ACBD6: variants seen among roughly 807,000 people sequenced by gnomAD.
ACBD6 encodes acyl-CoA binding domain containing 6, also known as acyl-CoA-binding domain-containing protein 6.
In ACBD6, 28 loss-of-function variants were observed where a neutral mutation model predicts 37.2. That is an observed-to-expected ratio of 0.75 (90% CI 0.56 to 1.03). The LOEUF (loss-of-function observed/expected upper bound fraction) is 1.03, where lower values mean the gene tolerates loss of function less well. ACBD6 is among the 50% of genes least tolerant of loss of function. ACBD6 has a pLI of 0.00. For synonymous variants in ACBD6, 113 were observed against 126.8 expected (o/e 0.89, Z 0.73); for missense variants, 340 against 337.4 (o/e 1.01, Z -0.06).
At chr1:180,315,739 T>G (rs546634987) in intron 6 of ACBD6, among the ~76,000 whole-genome samples, 1 of 152,232 alleles carries the variant, frequency 6.6e-6, no homozygotes, top group African/African-American at 2.4e-5. Context: ...TTCAGATAGG[T>G]AGTAAGAAAA....
chr1:180,378,755 C>T (rs991181551), intron 6 of ACBD6, among the ~76,000 whole-genome samples: 6 of 152,166 alleles, frequency 3.9e-5, no homozygotes, highest in Admixed American at 2.0e-4. Context: ...CCCACCCAGC[C>T]CACCACTGCC....
chr1:180,468,923 T>C (rs528960656), intron 3 of ACBD6, among the ~76,000 whole-genome samples: 2 of 152,330 alleles, frequency 1.3e-5, no homozygotes, highest in South Asian at 4.1e-4. Context: ...CAGTTTTCCA[T>C]ATGTCCTCAA....
intron 7 of ACBD6, 24 bp downstream of exon 7, chr1:180,314,668 C>T: frequency 2.7e-6 from 4 of 1,502,838 alleles, no homozygotes; most frequent in Non-Finnish European, 3.7e-6. Flanking sequence ...AATATGATTA[C>T]TTAATAATTT....
intron 3 of ACBD6, among the ~76,000 whole-genome samples, chr1:180,484,745 CAT>C (rs1453189551): frequency 3.3e-5 from 5 of 152,136 alleles, no homozygotes; most frequent in Admixed American, 6.5e-5. Context: ...CGTATACATA[CAT>C]ATGTTATGTA....
At chr1:180,461,489 G>GA (rs1197673794) in intron 3 of ACBD6, among the ~76,000 whole-genome samples, 1 of 152,068 alleles carries the variant, frequency 6.6e-6, no homozygotes, top group African/African-American at 2.4e-5. Flanking sequence ...TGAAATGACA[G>GA]AAAAAATGTT....
At chr1:180,391,065 A>G (rs1654058493) in intron 6 of ACBD6, among the ~76,000 whole-genome samples, 1 of 152,180 alleles carries the variant, frequency 6.6e-6, no homozygotes, top group South Asian at 2.1e-4. Context: ...GAGTGCTACA[A>G]TGACTTAATG....
At chr1:180,355,512 C>T (rs1652588476) in intron 6 of ACBD6, among the ~76,000 whole-genome samples, 1 of 152,110 alleles carries the variant, frequency 6.6e-6, no homozygotes, top group African/African-American at 2.4e-5. Context: ...ATGTCAAAAC[C>T]AGAGCTCATT....
intron 7 of ACBD6, among the ~76,000 whole-genome samples, chr1:180,293,134 A>T (rs1270226831): frequency 6.6e-6 from 1 of 152,140 alleles, no homozygotes; most frequent in Non-Finnish European, 1.5e-5. Context: ...ACATCTTATT[A>T]AACATTTTTG....
intron 6 of ACBD6, 23 bp from the exon 7 acceptor site, chr1:180,314,745 A>G: frequency 6.6e-7 from 1 of 1,511,770 alleles, no homozygotes; most frequent in Non-Finnish European, 9.2e-7. Flanking sequence ...CAAATAATAC[A>G]TTTTAGAAGT....
intron 3 of ACBD6, among the ~76,000 whole-genome samples, chr1:180,487,858 A>C (rs954834485): frequency 6.6e-6 from 1 of 152,244 alleles, no homozygotes; most frequent in Non-Finnish European, 1.5e-5. Context: ...ATAGAAGACA[A>C]AAACATTTAC....
In ACBD6 at chr1:180,430,348, T is replaced by G. The variant is rs1648764864; in HGVS notation, c.385-86A>C. 4 of 1,130,412 alleles carry G rather than the reference T, an allele frequency of 3.5e-6. No homozygotes were observed. The South Asian group carries it at 5.0e-5, about 14-fold the overall frequency. The allele number at this position is 1,130,412 out of a possible 1,614,324, so 70.0% of individuals were successfully genotyped here. ...AATCAGTTACAAAATGTTATTTTGC[T>G]AAGAAAGACTAAGGATTTTACCCTC... On this transcript the variant is annotated intron_variant, in intron 3 of 7. Coordinates refer to ENST00000367595, the MANE Select transcript of ACBD6 (RefSeq NM_032360.4).
At chr1:180,277,820 A>G (rs1194323177) in intron 9 of ACBD6, 1 of 151,780 alleles carries the variant, frequency 6.6e-6, no homozygotes, top group Admixed American at 6.6e-5. Context: ...AACATCAGGG[A>G]AAGAGGAAAA....
At chr1:180,289,643 C>G (rs141314674) in intron 7 of ACBD6, among the ~76,000 whole-genome samples, 2 of 152,174 alleles carry the variant, frequency 1.3e-5, no homozygotes, top group Non-Finnish European at 2.9e-5. Flanking sequence ...ATGTACACAG[C>G]AGACCCCAAA....
intron 4 of ACBD6, among the ~76,000 whole-genome samples, chr1:180,425,162 A>G (rs902989686): frequency 6.6e-6 from 1 of 152,178 alleles, no homozygotes; most frequent in African/African-American, 2.4e-5. Flanking sequence ...AATCATTTTC[A>G]TAAGAAAGGG....
chr1:180,486,148 T>A (rs990885965), intron 3 of ACBD6, among the ~76,000 whole-genome samples: 1 of 152,174 alleles, frequency 6.6e-6, no homozygotes, highest in Non-Finnish European at 1.5e-5. Context: ...GGAAGCCATC[T>A]TCAGGGATGA....
At chr1:180,441,847 C>G (rs972882624) in intron 3 of ACBD6, among the ~76,000 whole-genome samples, 7 of 152,152 alleles carry the variant, frequency 4.6e-5, no homozygotes, top group African/African-American at 1.7e-4. Flanking sequence ...TTATTTCCTC[C>G]TTTCCAATTT....
At chr1:180,302,374 A>AAT (rs1404087625) in intron 7 of ACBD6, among the ~76,000 whole-genome samples, 1 of 152,044 alleles carries the variant, frequency 6.6e-6, no homozygotes, top group Non-Finnish European at 1.5e-5. Flanking sequence ...TTTAAAAAAA[A>AAT]ACCCTGCATA....
chr1:180,483,457 C>T (rs1398744823), intron 3 of ACBD6, among the ~76,000 whole-genome samples: 2 of 151,976 alleles, frequency 1.3e-5, no homozygotes, highest in Admixed American at 6.6e-5. Flanking sequence ...TATCTCTGTC[C>T]GACTGTAAGC....
At chr1:180,459,144 G>C (rs1557879526) in intron 3 of ACBD6, among the ~76,000 whole-genome samples, 1 of 152,058 alleles carries the variant, frequency 6.6e-6, no homozygotes. Flanking sequence ...TAGACAATCT[G>C]GTAGTCTAAC....
Sources: allele counts gnomAD v4.1 joint callset (sites outside exome capture counted in the v4.1 genomes callset), GRCh38; gene constraint gnomAD v4.1.1; transcripts MANE v1.5; gene names NCBI Gene and HGNC (gene_info 2026-07-23, HGNC 2026-07-21).